PSG1: variants seen among roughly 807,000 people sequenced by gnomAD.
The protein encoded by PSG1 is pregnancy specific beta-1-glycoprotein 1.
A neutral mutation model predicts 41.4 loss-of-function variants in PSG1; 60 were observed. The ratio of observed to expected loss-of-function variants is 1.45; its 90% CI spans 1.18 to 1.80. The LOEUF (loss-of-function observed/expected upper bound fraction) is 1.80. Ranked by LOEUF, PSG1 falls within the 40% of genes most tolerant of loss-of-function variation. PSG1 has a pLI of 0.00. For missense variants in PSG1, 806 were observed against 516.9 expected (o/e 1.56, Z -5.42); for synonymous variants, 256 against 192.9 (o/e 1.33, Z -2.71).
rs998346378 is a variant in PSG1 at position 42,868,703 on chromosome 19, T to C, written c.988+53A>G. The C allele has an allele frequency of 6.9e-6, 11 of 1,603,510 alleles. 1 individual carries two copies. Among genetic ancestry groups the C allele is most frequent in the Admixed American group, 1.7e-5 (1 of 59,472 alleles). ...AGAGACTGAGAGGCCTGGCATCTGGTGGTTTGGATTTAAGCTGGTGTCCTG... is the reference window on the plus strand; with the variant it reads ...AGAGACTGAGAGGCCTGGCATCTGGCGGTTTGGATTTAAGCTGGTGTCCTG... On this transcript the variant is annotated intron_variant, in intron 4 of 5. Coordinates refer to ENST00000436291, the MANE Select transcript of PSG1 (RefSeq NM_001184825.2).
chr19:42,878,134 C>G lies in PSG1; in HGVS notation c.209G>C (p.Gly70Ala), dbSNP rs761952030. 1.9e-6 allele frequency: 3 copies of G among 1,612,168 alleles called. No homozygotes were observed. The highest frequency in any genetic ancestry group is 2.5e-6 in the Non-Finnish European group (3 of 1,179,180). The change falls in exon 2 of 6, where the codon GGG (glycine) becomes GCG (alanine). Residue 70 changes from glycine to alanine, a missense_variant. Coordinates refer to ENST00000436291, the MANE Select transcript of PSG1 (RefSeq NM_001184825.2). ...GTAATGGTAGAGGTCCCTCATTTGC[C>G]CTTTGTACCAGATGTAGCCGGTAAG... Reference protein sequence around the residue: ...QNLTGYIWYKGQMRDLYHYIT... With the variant: ...QNLTGYIWYKAQMRDLYHYIT...
chr19:42,871,064 C>G (rs893077534), intron 3 of PSG1, among the ~76,000 whole-genome samples: 1 of 151,622 alleles, frequency 6.6e-6, no homozygotes, highest in African/African-American at 2.4e-5. Context: ...GCTAGATAGA[C>G]TTCACTGGAA....
intron 2 of PSG1, chr19:42,876,647 G>A (rs571547482): frequency 2.1e-5 from 5 of 241,174 alleles, no homozygotes; most frequent in African/African-American, 2.3e-5. Context: ...TCATGACAGT[G>A]ACAAGGACAC....
At chr19:42,868,527 C>T (rs1971236354) in intron 4 of PSG1, among the ~76,000 whole-genome samples, 172 bp from the exon 5 acceptor site, 1 of 151,478 alleles carries the variant, frequency 6.6e-6, no homozygotes, top group South Asian at 2.1e-4. Flanking sequence ...TTTCTCCCAT[C>T]ACAAGCTGTG....
intron 2 of PSG1, 99 bp downstream of exon 2, chr19:42,877,814 T>C (rs573784973): frequency 1.9e-6 from 3 of 1,598,430 alleles, no homozygotes; most frequent in Non-Finnish European, 2.6e-6. Flanking sequence ...CATAACGCAG[T>C]GAGTGACACA....
chr19:42,871,686 G>C, intron 3 of PSG1, 81 bp downstream of exon 3: 1 of 1,612,138 alleles, frequency 6.2e-7, no homozygotes, highest in South Asian at 1.1e-5. Flanking sequence ...TATTGGACCT[G>C]AGAGGGACAG....
Position 42,871,997 on chromosome 19 carries a change from TC to T in PSG1, c.478del (p.Glu160ArgfsTer6), listed in dbSNP as rs2122519034. On this transcript the variant is annotated frameshift_variant, in exon 3 of 6. Transcript: ENST00000436291. LOFTEE classifies it high-confidence loss of function. ...GGTTAAGCTCACAGCCTCCATGGTC[TC>T]CCTGGGATTTAAGTTGCTGCTGGAG... is the stretch of plus-strand genomic sequence containing the variant. Reference protein sequence around the residue: ...SISSSNLNPRETMEAVSLTCD... With the variant: ...SISSSNLNPRXTMEAVSLTCD... 2 of 1,612,422 alleles carry T rather than the reference TC, an allele frequency of 1.2e-6. No individual in the cohort carries two copies. The highest frequency in any genetic ancestry group is 2.2e-5 in the East Asian group (1 of 44,768).
chr19:42,870,491 G>T (rs1001635903), intron 3 of PSG1: 1 of 151,622 alleles, frequency 6.6e-6, no homozygotes, highest in African/African-American at 2.4e-5. Flanking sequence ...GCCTTGGGAT[G>T]TGAGAAAGGC....
At position 42,878,223 on chromosome 19, in the gene PSG1, G is replaced by T; in HGVS notation, c.120C>A (p.Ala40=). The change falls in exon 2 of 6, where the codon GCC becomes GCA. Residue 40 remains alanine, a synonymous_variant. Coordinates refer to ENST00000436291, the MANE Select transcript of PSG1 (RefSeq NM_001184825.2). ...LPTTAQVTIE[A]EPTKVSEGKD... is the part of the protein sequence containing the mutation. The stretch of plus-strand genomic sequence containing the variant: ...TCCCCTCGGAAACTTTGGTTGGCTC[G>T]GCTTCAATCGTGACTTGGGCAGTGG... The T allele has an allele frequency of 4.3e-6, 7 of 1,610,964 alleles. 1 individual carries two copies. The highest frequency in any genetic ancestry group is 5.9e-6 in the Non-Finnish European group (7 of 1,178,714).
At chr19:42,873,908 C>G (rs920052640) in intron 2 of PSG1, among the ~76,000 whole-genome samples, 10 of 151,626 alleles carry the variant, frequency 6.6e-5, no homozygotes, top group African/African-American at 2.4e-4. Context: ...GGAAACACCA[C>G]TAGAGTTTAA....
rs561621030 is a variant in PSG1 at position 42,878,894 on chromosome 19, A to G, written c.65-616T>C. ...TGCCCTGGGTGTTTTTTTTCCCCCA[A>G]TTGTTGAGGTTTCTTGCTGAGGACA... On this transcript the variant is annotated intron_variant, in intron 1 of 5. Transcript: ENST00000436291. Among the ~76,000 whole-genome samples, 340 of 151,280 alleles carry G rather than the reference A, an allele frequency of 2.2e-3. 4 individuals are homozygous for G. Among genetic ancestry groups the G allele is most frequent in the Non-Finnish European group, 3.4e-3 (231 of 67,764 alleles).
chr19:42,867,857 T>C, intron 5 of PSG1: 1 of 1,329,758 alleles, frequency 7.5e-7, no homozygotes, highest in Non-Finnish European at 1.0e-6. Context: ...TTATTATCAA[T>C]TATTTCAATG....
chr19:42,867,584 C>T, intron 5 of PSG1: 1 of 658,038 alleles, frequency 1.5e-6, no homozygotes, highest in Non-Finnish European at 2.7e-6. Context: ...TGTCATGTTA[C>T]AAAGAAAGCA....
Position 42,868,999 on chromosome 19 carries a change from A to G in PSG1, c.745T>C (p.Leu249=), listed in dbSNP as rs747070123. 6.2e-7 allele frequency: 1 copy of G among 1,610,438 alleles called. No individual in the cohort carries two copies. Among genetic ancestry groups the G allele is most frequent in the Non-Finnish European group, 8.5e-7 (1 of 1,179,046 alleles). The change falls in exon 4 of 6, where the codon TTA becomes CTA. Residue 249 remains leucine (L), a synonymous_variant. Coordinates refer to ENST00000436291, the MANE Select transcript of PSG1 (RefSeq NM_001184825.2). ...LPKPYITINN[L]NPRENKDVLN... is the part of the protein sequence containing the mutation. Reference sequence around the variant, plus strand: ...ACATCCTTATTCTCCCTGGGGTTTAAGTTGTTGATGGTGATGTAGGGCTTG... The same window carrying G: ...ACATCCTTATTCTCCCTGGGGTTTAGGTTGTTGATGGTGATGTAGGGCTTG...
At chr19:42,873,169 C>G (rs117338918) in intron 2 of PSG1, among the ~76,000 whole-genome samples, 1,596 of 151,764 alleles carry the variant, frequency 0.011, 46 homozygotes, top group Non-Finnish European at 0.018. Context: ...TGTACAGCCT[C>G]ATGCCTATAC....
intron 2 of PSG1, among the ~76,000 whole-genome samples, chr19:42,875,293 T>G (rs1212040114): frequency 6.6e-6 from 1 of 151,878 alleles, no homozygotes; most frequent in East Asian, 1.9e-4. Context: ...GTCCAGGGAC[T>G]GCCTTTGTAA....
At position 42,879,656 on chromosome 19, in the gene PSG1, G is replaced by T. The variant is rs1971786366; in HGVS notation, c.-75C>A. On this transcript the variant is annotated 5_prime_UTR_variant, in exon 1 of 6. In the 5' UTR this introduces an upstream ATG that the reference lacks. Transcript: ENST00000436291. ...AGAAACTCTCTGAGCACGGCTGTCA[G>T]CTGTGCTGTCCTTCCTCTTTCTGTG... The T allele has an allele frequency of 1.3e-6, 2 of 1,578,714 alleles. No homozygotes were observed. Among genetic ancestry groups the T allele is most frequent in the Non-Finnish European group, 1.7e-6 (2 of 1,156,436 alleles).
At chr19:42,878,428 C>G in intron 1 of PSG1, 150 bp from the exon 2 acceptor site, 10 of 1,249,810 alleles carry the variant, frequency 8.0e-6, no homozygotes, top group Middle Eastern at 2.6e-4. Flanking sequence ...CACACACACA[C>G]AAAAGCGGCA....
chr19:42,872,312 G>A (rs1195566261), intron 2 of PSG1, among the ~76,000 whole-genome samples: 1 of 151,594 alleles, frequency 6.6e-6, no homozygotes. Context: ...AGGACCAGCA[G>A]TCACAGCCCC....
Sources: allele counts gnomAD v4.1 joint callset (sites outside exome capture counted in the v4.1 genomes callset), GRCh38; gene constraint gnomAD v4.1.1; transcripts MANE v1.5; gene names NCBI Gene and HGNC (gene_info 2026-07-23, HGNC 2026-07-21).